The following MCTP1 variants were observed in gnomAD, a reference collection of about 807,000 sequenced individuals.
MCTP1 encodes multiple C2 and transmembrane domain containing 1.
MCTP1 carries 69 observed loss-of-function variants against 120.6 expected under a neutral mutation model. The observed-to-expected ratio is 0.57, with a 90% CI of 0.47 to 0.70. The LOEUF is 0.70. Among genes scored for constraint, MCTP1 ranks in the 30% least tolerant of loss-of-function variants. The probability of loss-of-function intolerance (pLI) is 0.00; values close to 1 mark genes in which losing one functional copy is unlikely to be tolerated. For synonymous variants in MCTP1, 529 were observed against 493.1 expected, an observed-to-expected ratio of 1.07 and a Z score of -0.96; for missense variants, 1,203 against 1,248.8, an observed-to-expected ratio of 0.96 and a Z score of 0.55.
At chr5:94,859,366 T>C (rs1795307644) in intron 17 of MCTP1, among the ~76,000 whole-genome samples, 1 of 151,686 alleles carries the variant, frequency 6.6e-6, no homozygotes, top group Non-Finnish European at 1.5e-5. Flanking sequence ...ATAGGAGGAA[T>C]ATGTTTTGTG....
At chr5:94,854,800 A>G (rs1257930015) in intron 17 of MCTP1, among the ~76,000 whole-genome samples, 1 of 151,932 alleles carries the variant, frequency 6.6e-6, no homozygotes, top group Non-Finnish European at 1.5e-5. Context: ...ATAATATTTC[A>G]TAGGATTTAT....
intron 1 of MCTP1, among the ~76,000 whole-genome samples, chr5:95,077,567 G>C (rs891246247): frequency 6.6e-6 from 1 of 152,032 alleles, no homozygotes; most frequent in Admixed American, 6.5e-5. Flanking sequence ...CCACTTCCTG[G>C]GTTCACGCCA....
At chr5:94,754,155 A>G (rs993043383) in intron 19 of MCTP1, among the ~76,000 whole-genome samples, 1 of 152,204 alleles carries the variant, frequency 6.6e-6, no homozygotes, top group Admixed American at 6.5e-5. Context: ...TAAAATATGT[A>G]TAATTTACTC....
At chr5:95,182,942 C>T (rs1036854840) in intron 1 of MCTP1, among the ~76,000 whole-genome samples, 15 of 150,748 alleles carry the variant, frequency 1.0e-4, no homozygotes, top group Admixed American at 2.7e-4. Context: ...AGGAGAATCG[C>T]TTGAACCTGG....
chr5:95,120,411 T>C lies in MCTP1; in HGVS notation c.721-102927A>G, dbSNP rs892533736. ...GAAAACTATAGGCCAATATCACTTA[T>C]GAATATTGATCCAAAAATTCTCAAC... On this transcript the variant is annotated intron_variant, in intron 1 of 22. Coordinates refer to ENST00000515393, the MANE Select transcript of MCTP1 (RefSeq NM_024717.7). Among the ~76,000 whole-genome samples, 16 of 152,258 alleles carry C rather than the reference T, an allele frequency of 1.1e-4. No homozygotes were observed. The East Asian group carries it at 2.7e-3, about 26-fold the overall frequency.
At chr5:95,066,556 C>G (rs980310992) in intron 1 of MCTP1, among the ~76,000 whole-genome samples, 1 of 152,144 alleles carries the variant, frequency 6.6e-6, no homozygotes, top group African/African-American at 2.4e-5. Flanking sequence ...TATTGCAGTA[C>G]TATTTACAAT....
intron 17 of MCTP1, among the ~76,000 whole-genome samples, chr5:94,838,513 C>A (rs1790298411): frequency 6.6e-6 from 1 of 151,952 alleles, no homozygotes; most frequent in Non-Finnish European, 1.5e-5. Flanking sequence ...GCTCACTGCA[C>A]TAGAGTCAGA....
At chr5:94,843,336 G>A (rs1791559853) in intron 17 of MCTP1, among the ~76,000 whole-genome samples, 1 of 152,078 alleles carries the variant, frequency 6.6e-6, no homozygotes, top group Non-Finnish European at 1.5e-5. Flanking sequence ...TACATAGAGT[G>A]GTTTTTTGAG....
intron 3 of MCTP1, among the ~76,000 whole-genome samples, chr5:94,945,125 G>A (rs1327807941): frequency 6.6e-6 from 1 of 152,038 alleles, no homozygotes; most frequent in African/African-American, 2.4e-5. Flanking sequence ...TCACAAATAT[G>A]TCTTAGGCAC....
chr5:94,939,206 G>T (rs907040367), intron 5 of MCTP1, among the ~76,000 whole-genome samples: 6 of 151,948 alleles, frequency 3.9e-5, no homozygotes, highest in African/African-American at 2.4e-5. Flanking sequence ...TGCAGTCTAG[G>T]GGAAAACGCC....
chr5:95,109,228 A>G (rs914619165), intron 1 of MCTP1, among the ~76,000 whole-genome samples: 2 of 152,164 alleles, frequency 1.3e-5, no homozygotes, highest in Admixed American at 6.6e-5. Flanking sequence ...AAAACCTCCT[A>G]TATTTCCCAT....
At chr5:95,126,148 T>C (rs1370877919) in intron 1 of MCTP1, among the ~76,000 whole-genome samples, 1 of 152,170 alleles carries the variant, frequency 6.6e-6, no homozygotes, top group African/African-American at 2.4e-5. Context: ...CAGATGAAAC[T>C]AACAGAATCT....
At chr5:94,849,380 G>C (rs1166371252) in intron 17 of MCTP1, among the ~76,000 whole-genome samples, 4 of 152,102 alleles carry the variant, frequency 2.6e-5, no homozygotes, top group African/African-American at 9.7e-5. Flanking sequence ...GTGCTAATTA[G>C]ACCTTTTCTA....
intron 17 of MCTP1, among the ~76,000 whole-genome samples, chr5:94,866,425 G>A (rs1428152192): frequency 5.9e-5 from 9 of 151,674 alleles, no homozygotes; most frequent in Non-Finnish European, 1.3e-4. Context: ...CGAAACACAG[G>A]TAATATTATG....
chr5:94,733,268 A>ATT (rs1763474787), intron 19 of MCTP1, among the ~76,000 whole-genome samples: 1 of 152,206 alleles, frequency 6.6e-6, no homozygotes, highest in South Asian at 2.1e-4. Flanking sequence ...GGGATGAGGT[A>ATT]TTTCTCAGGG....
chr5:95,008,254 C>T (rs1356071756), intron 2 of MCTP1, among the ~76,000 whole-genome samples: 7 of 152,020 alleles, frequency 4.6e-5, no homozygotes, highest in Admixed American at 6.6e-5. Flanking sequence ...AAAAGAAGGC[C>T]GCCCATTTCT....
In MCTP1 at chr5:95,126,242, T is replaced by G. The variant is rs376615752; in HGVS notation, c.721-108758A>C. Among the ~76,000 whole-genome samples, 45 of 152,322 alleles carry G rather than the reference T, an allele frequency of 3.0e-4. 1 individual carries two copies. The highest frequency in any genetic ancestry group is 4.6e-4 in the Admixed American group (7 of 15,306). Reference sequence around the variant, plus strand: ...ACATTTAATGACATCAGAGGTAAACTGAAGACATCAGCTGCAGACAATTTC... The same window carrying G: ...ACATTTAATGACATCAGAGGTAAACGGAAGACATCAGCTGCAGACAATTTC... On this transcript the variant is annotated intron_variant, in intron 1 of 22. Transcript: ENST00000515393.
chr5:95,255,100 A>G (rs572277871), intron 1 of MCTP1, among the ~76,000 whole-genome samples: 2 of 152,322 alleles, frequency 1.3e-5, no homozygotes, highest in African/African-American at 4.8e-5. Context: ...GTATGGTCAT[A>G]AAAATCTGAA....
At chr5:94,737,164 T>C (rs529562222) in intron 19 of MCTP1, among the ~76,000 whole-genome samples, 461 of 152,224 alleles carry the variant, frequency 3.0e-3, no homozygotes, top group African/African-American at 0.011. Flanking sequence ...ATTTTTAAAT[T>C]TTTTTGTAGA....
Sources: allele counts gnomAD v4.1 joint callset (sites outside exome capture counted in the v4.1 genomes callset), GRCh38; gene constraint gnomAD v4.1.1; transcripts MANE v1.5; gene names NCBI Gene and HGNC (gene_info 2026-07-23, HGNC 2026-07-21).